The following SYT16 variants were observed in gnomAD, a reference collection of about 807,000 sequenced individuals.
SYT16 encodes the protein synaptotagmin-16.
In SYT16, 42 loss-of-function variants were observed where a neutral mutation model predicts 61.4. The observed-to-expected ratio is 0.68, with a 90% confidence interval of 0.53 to 0.89. The LOEUF (loss-of-function observed/expected upper bound fraction) is 0.89, where lower values mean the gene tolerates loss of function less well. Ranked by LOEUF, SYT16 falls within the 40% of genes least tolerant of loss-of-function variation. The pLI is 0.00. For missense variants in SYT16, 804 were observed against 807.3 expected (o/e 1.00, Z 0.05); for synonymous variants, 314 against 302.3 (o/e 1.04, Z -0.40).
chr14:62,099,166 T>C (rs1347818876), intron 7 of SYT16, among the ~76,000 whole-genome samples: 2 of 152,172 alleles, frequency 1.3e-5, no homozygotes, highest in East Asian at 3.8e-4. Context: ...AGACTTTGTT[T>C]GTGTTTATTA....
chr14:62,099,296 C>T (rs2057358212), intron 7 of SYT16, among the ~76,000 whole-genome samples: 1 of 152,168 alleles, frequency 6.6e-6, no homozygotes, highest in Non-Finnish European at 1.5e-5. Context: ...CCTGAGCTTG[C>T]AGTGTACACA....
At chr14:61,858,910 G>A (rs1199561257) in intron 1 of SYT16, among the ~76,000 whole-genome samples, 5 of 149,336 alleles carry the variant, frequency 3.3e-5, no homozygotes, top group South Asian at 4.3e-4. Flanking sequence ...GCTGGAGTGC[G>A]GCTGTGCGAT....
At chr14:61,906,229 G>A (rs1442397166) in intron 1 of SYT16, among the ~76,000 whole-genome samples, 1 of 152,150 alleles carries the variant, frequency 6.6e-6, no homozygotes, top group Non-Finnish European at 1.5e-5. Context: ...GGTGAATGTG[G>A]GAGGGTTCTA....
intron 7 of SYT16, among the ~76,000 whole-genome samples, chr14:62,087,141 T>C (rs1277011381): frequency 1.3e-5 from 2 of 152,206 alleles, no homozygotes; most frequent in Non-Finnish European, 2.9e-5. Flanking sequence ...GGGATACATT[T>C]TTAGTTCCCA....
At chr14:62,073,735 T>C (rs748314594) in intron 4 of SYT16, among the ~76,000 whole-genome samples, 1 of 141,422 alleles carries the variant, frequency 7.1e-6, no homozygotes, top group African/African-American at 2.4e-5. Flanking sequence ...GAATGCTTAC[T>C]ATACATGGGT....
chr14:61,820,521 G>A (rs2610542), intron 1 of SYT16, among the ~76,000 whole-genome samples: 9 of 114,316 alleles, frequency 7.9e-5, no homozygotes, highest in South Asian at 2.9e-4. Flanking sequence ...TCGCTCTGTC[G>A]CCCAGGTTGG....
chr14:61,864,775 G>T, intron 1 of SYT16: 1 of 936,768 alleles, frequency 1.1e-6, no homozygotes. Flanking sequence ...CTGGCCGGTT[G>T]GGCCCTAGTG....
intron 3 of SYT16, among the ~76,000 whole-genome samples, chr14:62,029,813 G>A (rs952102572): frequency 1.3e-5 from 2 of 151,866 alleles, no homozygotes; most frequent in Admixed American, 6.6e-5. Context: ...GAGATTGATG[G>A]TTTTATCAGC....
chr14:62,075,761 A>T (rs954005186), intron 5 of SYT16, among the ~76,000 whole-genome samples: 1 of 152,224 alleles, frequency 6.6e-6, no homozygotes, highest in Non-Finnish European at 1.5e-5. Flanking sequence ...TATTTACTTC[A>T]TGGTTTCAAT....
chr14:61,909,088 C>A (rs181590958), intron 1 of SYT16, among the ~76,000 whole-genome samples: 1 of 152,310 alleles, frequency 6.6e-6, no homozygotes, highest in African/African-American at 2.4e-5. Flanking sequence ...GCATGAGCCA[C>A]CGTGCCTGGC....
intron 1 of SYT16, among the ~76,000 whole-genome samples, chr14:61,914,837 C>T (rs1416557075): frequency 6.6e-6 from 1 of 152,166 alleles, no homozygotes; most frequent in African/African-American, 2.4e-5. Context: ...CTCCAGACAG[C>T]AGCAAACTGA....
intron 1 of SYT16, among the ~76,000 whole-genome samples, chr14:61,858,059 C>A (rs1427507275): frequency 7.8e-6 from 1 of 128,574 alleles, no homozygotes; most frequent in Non-Finnish European, 1.6e-5. Context: ...GTATCCACTT[C>A]ACAGTGTAAG....
At chr14:62,000,130 G>A (rs534819908) in intron 3 of SYT16, among the ~76,000 whole-genome samples, 12 of 18,864 alleles carry the variant, frequency 6.4e-4, no homozygotes, top group Admixed American at 1.2e-3. Context: ...TTTTTTTTTA[G>A]CGTACTGATT....
chr14:61,901,751 A>G (rs1231324563), intron 1 of SYT16, among the ~76,000 whole-genome samples: 6 of 146,834 alleles, frequency 4.1e-5, no homozygotes, highest in African/African-American at 1.0e-4. Context: ...TATAATAATA[A>G]TAATAATAAT....
chr14:62,023,787 G>A (rs907242317), intron 3 of SYT16, among the ~76,000 whole-genome samples: 1 of 152,074 alleles, frequency 6.6e-6, no homozygotes, highest in Non-Finnish European at 1.5e-5. Flanking sequence ...CTGATAAAAG[G>A]TACTCCATCC....
rs537710217 is a variant in SYT16, at chr14:62,017,157, A to G, written c.523+20615A>G. On this transcript the variant is annotated intron_variant, in intron 3 of 7. Coordinates refer to ENST00000683842, the MANE Select transcript of SYT16 (RefSeq NM_001367656.1). ...AGAAAATTTGTGAAAACTGATATTCATCAAATACTGGTTTTATTAATAATT... is the reference window on the plus strand; with the variant it reads ...AGAAAATTTGTGAAAACTGATATTCGTCAAATACTGGTTTTATTAATAATT... 3.9e-5 allele frequency among the ~76,000 whole-genome samples: 6 copies of G among 152,352 alleles called. No individual in the cohort carries two copies. In the South Asian group the frequency reaches 1.2e-3, roughly 32 times the overall value.
chr14:62,051,535 G>A (rs6573415), intron 3 of SYT16, among the ~76,000 whole-genome samples: 25,272 of 152,214 alleles, frequency 0.17, 2,345 homozygotes, highest in South Asian at 0.29. Context: ...AGTTGGAAAT[G>A]CAGAAATCAC....
chr14:61,922,089 G>C (rs1348809926), intron 1 of SYT16, among the ~76,000 whole-genome samples: 1 of 152,168 alleles, frequency 6.6e-6, no homozygotes, highest in African/African-American at 2.4e-5. Flanking sequence ...AGTGCCTTGT[G>C]TAAAGAGAAA....
At chr14:61,854,532 C>G (rs568348430) in intron 1 of SYT16, among the ~76,000 whole-genome samples, 32 of 152,322 alleles carry the variant, frequency 2.1e-4, no homozygotes, top group African/African-American at 7.5e-4. Context: ...TTGTGCCTTT[C>G]CTTTTTTCAC....
Sources: allele counts gnomAD v4.1 joint callset (sites outside exome capture counted in the v4.1 genomes callset), GRCh38; gene constraint gnomAD v4.1.1; transcripts MANE v1.5; gene names NCBI Gene and HGNC (gene_info 2026-07-23, HGNC 2026-07-21).